CSMD1: variants seen among roughly 807,000 people sequenced by gnomAD.
CSMD1 encodes the protein CUB and sushi domain-containing protein 1.
CSMD1 carries 213 observed loss-of-function variants against 417.5 expected under a neutral mutation model. That is an observed-to-expected ratio of 0.51 (90% CI 0.46 to 0.57). The LOEUF (loss-of-function observed/expected upper bound fraction) is 0.57, where lower values mean the gene tolerates loss of function less well. Among genes scored for constraint, CSMD1 ranks in the 20% least tolerant of loss-of-function variants. CSMD1 has a pLI of 0.00. For synonymous variants in CSMD1, 2,862 were observed against 1,736.8 expected, an observed-to-expected ratio of 1.65 and a Z score of -16.11; for missense variants, 6,923 against 4,529.7, an observed-to-expected ratio of 1.53 and a Z score of -15.17.
chr8:4,010,072 T>A (rs1337942383), intron 4 of CSMD1, among the ~76,000 whole-genome samples: 1 of 152,192 alleles, frequency 6.6e-6, no homozygotes, highest in Non-Finnish European at 1.5e-5. Flanking sequence ...CAGAATTTCC[T>A]ACATTCCAAC....
intron 26 of CSMD1, among the ~76,000 whole-genome samples, chr8:3,276,241 G>C (rs997870686): frequency 2.0e-5 from 3 of 152,114 alleles, no homozygotes. Context: ...TAGGCTTCTT[G>C]GGGGTCAGGG....
At chr8:3,209,571 G>T (rs192571501) in intron 30 of CSMD1, among the ~76,000 whole-genome samples, 3 of 151,916 alleles carry the variant, frequency 2.0e-5, no homozygotes, top group African/African-American at 7.3e-5. Flanking sequence ...CGCCTGCCTC[G>T]GCCTCCCAAA....
intron 1 of CSMD1, among the ~76,000 whole-genome samples, chr8:4,899,532 A>C (rs1804726278): frequency 6.6e-6 from 1 of 152,204 alleles, no homozygotes; most frequent in Non-Finnish European, 1.5e-5. Flanking sequence ...GAAGCAAATG[A>C]GCGTATCTAT....
chr8:4,703,879 G>C (rs1807744250), intron 1 of CSMD1, among the ~76,000 whole-genome samples: 1 of 152,162 alleles, frequency 6.6e-6, no homozygotes, highest in South Asian at 2.1e-4. Context: ...GCAGGGTTGG[G>C]GGACGGTTTT....
intron 1 of CSMD1, among the ~76,000 whole-genome samples, chr8:4,808,274 G>C (rs532812457): frequency 6.6e-6 from 1 of 152,136 alleles, no homozygotes. Context: ...ACAGATGCTG[G>C]TTGAAAAAGG....
chr8:4,042,815 T>TAAAAAAAAAAAAAAAAAAAAAAAAAAAA lies in CSMD1; in HGVS notation c.416-10717_416-10716insTTTTTTTTTTTTTTTTTTTTTTTTTTTT, dbSNP rs60411612. Among the ~76,000 whole-genome samples, 6 of 41,312 alleles carry TAAAAAAAAAAAAAAAAAAAAAAAAAAAA rather than the reference T, an allele frequency of 1.5e-4. 1 individual carries two copies. Among genetic ancestry groups the TAAAAAAAAAAAAAAAAAAAAAAAAAAAA allele is most frequent in the African/African-American group, 4.8e-4 (5 of 10,342 alleles). The allele number at this position is 41,312 out of a possible 152,430, so 27.1% of individuals were successfully genotyped here. ...CAATAGGTGAAGTGGTACAACATAT[T>TAAAAAAAAAAAAAAAAAAAAAAAAAAAA]AAAAAAAAAAAAAAAAAAAAAAAAA... On this transcript the variant is annotated intron_variant, in intron 3 of 69. Coordinates refer to ENST00000635120, the MANE Select transcript of CSMD1 (RefSeq NM_033225.6).
intron 3 of CSMD1, among the ~76,000 whole-genome samples, chr8:4,109,328 G>C (rs1271240428): frequency 6.6e-6 from 1 of 151,962 alleles, no homozygotes. Context: ...CCTCAAAGCT[G>C]AGCTATCATT....
chr8:3,530,650 T>C (rs997021810), intron 10 of CSMD1, among the ~76,000 whole-genome samples: 2 of 152,036 alleles, frequency 1.3e-5, no homozygotes, highest in African/African-American at 2.4e-5. Context: ...GCTTCTCAAG[T>C]AGCTAGGATT....
At chr8:3,744,067 A>T (rs1796944898) in intron 6 of CSMD1, among the ~76,000 whole-genome samples, 1 of 152,196 alleles carries the variant, frequency 6.6e-6, no homozygotes, top group South Asian at 2.1e-4. Context: ...TCTTCCGAGA[A>T]GGACATAGAC....
At chr8:3,605,375 A>G (rs1415700826) in intron 8 of CSMD1, among the ~76,000 whole-genome samples, 1 of 152,236 alleles carries the variant, frequency 6.6e-6, no homozygotes, top group Non-Finnish European at 1.5e-5. Context: ...ATTTTCATGT[A>G]ACAAGAGACA....
intron 2 of CSMD1, among the ~76,000 whole-genome samples, chr8:4,448,582 G>A (rs1321115516): frequency 2.6e-5 from 4 of 152,078 alleles, no homozygotes; most frequent in African/African-American, 9.7e-5. Context: ...TTCCTGTATT[G>A]TGCAATTTTA....
At chr8:4,920,694 A>G (rs955563735) in intron 1 of CSMD1, among the ~76,000 whole-genome samples, 4 of 151,794 alleles carry the variant, frequency 2.6e-5, no homozygotes, top group African/African-American at 9.7e-5. Context: ...TGGGTGGTGC[A>G]TGTCTGCAAT....
At chr8:4,844,319 T>C (rs1413410804) in intron 1 of CSMD1, among the ~76,000 whole-genome samples, 2 of 152,148 alleles carry the variant, frequency 1.3e-5, no homozygotes, top group Non-Finnish European at 2.9e-5. Context: ...ATAGTGCCGT[T>C]ATTGATACAT....
At chr8:3,568,221 T>G (rs975390402) in intron 10 of CSMD1, among the ~76,000 whole-genome samples, 2 of 152,216 alleles carry the variant, frequency 1.3e-5, no homozygotes, top group African/African-American at 4.8e-5. Flanking sequence ...TTGTGGATGT[T>G]TGAGTATTTA....
chr8:4,784,391 A>G (rs1797300239), intron 1 of CSMD1, among the ~76,000 whole-genome samples: 1 of 152,220 alleles, frequency 6.6e-6, no homozygotes, highest in African/African-American at 2.4e-5. Flanking sequence ...TTGTAACACA[A>G]GCAATTACAA....
chr8:3,328,340 C>T lies in CSMD1; in HGVS notation c.3631+14954G>A, dbSNP rs144815478. Among the ~76,000 whole-genome samples the T allele has an allele frequency of 9.5e-4, 144 of 152,318 alleles. 1 individual carries two copies. The Middle Eastern group carries it at 0.034, about 36-fold the overall frequency. On this transcript the variant is annotated intron_variant, in intron 23 of 69. Transcript: ENST00000635120. ...TGCCTATATGCTGCTTAAGGCACCT[C>T]TGCTTCCTCTCTCAATATCATCTGA... is the stretch of plus-strand genomic sequence containing the variant.
intron 3 of CSMD1, among the ~76,000 whole-genome samples, chr8:4,121,832 G>C (rs1292507863): frequency 6.6e-6 from 1 of 151,196 alleles, no homozygotes; most frequent in African/African-American, 2.4e-5. Context: ...GCTTTGGGGG[G>C]GACAAAAAAA....
chr8:3,586,355 T>A, intron 8 of CSMD1, 95 bp from the exon 9 acceptor site: 1 of 1,252,820 alleles, frequency 8.0e-7, no homozygotes, highest in Non-Finnish European at 1.1e-6. Context: ...TGCTACGATC[T>A]TGTTCAGTTA....
chr8:3,731,285 G>A (rs1170163363), intron 6 of CSMD1, among the ~76,000 whole-genome samples: 1 of 152,164 alleles, frequency 6.6e-6, no homozygotes, highest in African/African-American at 2.4e-5. Flanking sequence ...TGGAGATACA[G>A]ATGCATCTCC....
Sources: gnomAD v4.1 joint callset for allele counts (sites outside exome capture counted in the v4.1 genomes callset) on GRCh38, gnomAD v4.1.1 for gene constraint, MANE v1.5 for transcripts, NCBI Gene and HGNC (gene_info 2026-07-23, HGNC 2026-07-21) for gene names.